The following ISM1 variants were observed in gnomAD, a reference collection of about 807,000 sequenced individuals.
ISM1 encodes the protein isthmin-1.
In ISM1, 25 loss-of-function variants were observed where a neutral mutation model predicts 46.3. The ratio of observed to expected loss-of-function variants is 0.54; its 90% CI spans 0.39 to 0.75. The LOEUF is 0.75. Ranked by LOEUF, ISM1 falls within the 30% of genes least tolerant of loss-of-function variation. The pLI is 0.00. For missense variants in ISM1, 536 were observed against 625.4 expected (o/e 0.86, Z 1.52); for synonymous variants, 255 against 256.7 (o/e 0.99, Z 0.06).
intron 5 of ISM1, among the ~76,000 whole-genome samples, chr20:13,296,391 G>A (rs1274428978): frequency 7.9e-5 from 12 of 152,162 alleles, no homozygotes; most frequent in Admixed American, 2.6e-4. Context: ...AAACAAATCC[G>A]GACTCAGTAA....
At chr20:13,272,101 A>G (rs912552973) in intron 2 of ISM1, among the ~76,000 whole-genome samples, 2 of 151,898 alleles carry the variant, frequency 1.3e-5, no homozygotes, top group Non-Finnish European at 2.9e-5. Flanking sequence ...CTTTGCTTCC[A>G]ATTCTTTCTA....
At chr20:13,229,728 T>C (rs949063685) in intron 1 of ISM1, among the ~76,000 whole-genome samples, 1 of 152,178 alleles carries the variant, frequency 6.6e-6, no homozygotes, top group Non-Finnish European at 1.5e-5. Flanking sequence ...ATTGTGGTAA[T>C]TCTTCTAGGG....
rs952788913 is a variant in ISM1 at position 13,299,646 on chromosome 20, C to T, written c.*187C>T. 23 of 570,780 alleles carry T rather than the reference C, an allele frequency of 4.0e-5. No individual in the cohort carries two copies. The East Asian group carries it at 6.6e-4, about 16-fold the overall frequency. The allele number at this position is 570,780 out of a possible 1,614,324, so 35.4% of individuals were successfully genotyped here. A position where few individuals can be genotyped will look rare whatever the true frequency, so the allele number is the denominator to read the frequency against. The stretch of plus-strand genomic sequence containing the variant: ...CCCAGGGGACTGCCTTGTGAAGCCG[C>T]CCTCGCCATCTGCAGAGCTCCTTGA... On this transcript the variant is annotated 3_prime_UTR_variant, in exon 6 of 6. Transcript: ENST00000262487. This position sits in a 1 kb window ranked among gnomAD's most constrained non-coding sequence, Gnocchi z 5.8.
intron 1 of ISM1, among the ~76,000 whole-genome samples, chr20:13,261,156 G>A (rs139330755): frequency 3.0e-4 from 46 of 152,294 alleles, no homozygotes; most frequent in Middle Eastern, 3.4e-3. Flanking sequence ...GCTCATGCCC[G>A]TAATCCCAGC....
chr20:13,311,206 TATAGATAGATGATAGATAGATAGATAG>T, the ISM1 span, among the ~76,000 whole-genome samples: 1 of 103,770 alleles, frequency 9.6e-6, no homozygotes, highest in African/African-American at 3.8e-5. Flanking sequence ...AAAAAATAGA[TATAGATAGATGATAGATAGATAGATAG>T]ATAGATAGAT....
intron 1 of ISM1, among the ~76,000 whole-genome samples, chr20:13,254,058 TAA>T (rs34371292): frequency 0.16 from 19,139 of 116,114 alleles, 1,404 homozygotes; most frequent in East Asian, 0.21. Flanking sequence ...TCATCTCTAC[TAA>T]AAAAAAAAAA....
At chr20:13,245,197 A>G (rs1244514004) in intron 1 of ISM1, 1 of 152,180 alleles carries the variant, frequency 6.6e-6, no homozygotes, top group Non-Finnish European at 1.5e-5. Context: ...ACACACGTTT[A>G]TTATCTCAGA....
At chr20:13,244,248 A>C (rs1260386853) in intron 1 of ISM1, 1 of 152,132 alleles carries the variant, frequency 6.6e-6, no homozygotes, top group Non-Finnish European at 1.5e-5. Context: ...AGAGCAGGAG[A>C]CTTGATTCAA....
chr20:13,290,636 C>T lies in ISM1; in HGVS notation c.788-1738C>T, dbSNP rs558801915. Among the ~76,000 whole-genome samples the T allele has an allele frequency of 1.1e-4, 17 of 151,384 alleles. No individual in the cohort carries two copies. In the South Asian group the frequency reaches 2.5e-3, roughly 22 times the overall value. On this transcript the variant is annotated intron_variant, in intron 4 of 5. Coordinates refer to ENST00000262487, the MANE Select transcript of ISM1 (RefSeq NM_080826.2). Reference sequence around the variant, plus strand: ...TCGGGCCACTGCACTCCAGCCCGGGCGACAGAGCAAGACTCCGTCTCAAAA... The same window carrying T: ...TCGGGCCACTGCACTCCAGCCCGGGTGACAGAGCAAGACTCCGTCTCAAAA...
At chr20:13,223,073 G>T (rs186558969) in intron 1 of ISM1, among the ~76,000 whole-genome samples, 1 of 152,070 alleles carries the variant, frequency 6.6e-6, no homozygotes, top group African/African-American at 2.4e-5. Flanking sequence ...TGAGGCAGGA[G>T]AATTGCTTGA....
chr20:13,286,628 G>T (rs556955336), intron 3 of ISM1, among the ~76,000 whole-genome samples: 2 of 152,136 alleles, frequency 1.3e-5, no homozygotes, highest in African/African-American at 4.8e-5. Context: ...TCAGAGTTAG[G>T]GAGGAGGACA....
intron 5 of ISM1, among the ~76,000 whole-genome samples, chr20:13,294,701 T>C (rs1445813039): frequency 6.6e-6 from 1 of 152,168 alleles, no homozygotes; most frequent in African/African-American, 2.4e-5. Flanking sequence ...ACTTTCATTC[T>C]CTCAATGACT....
intron 3 of ISM1, among the ~76,000 whole-genome samples, chr20:13,280,504 A>C (rs2040228156): frequency 6.6e-6 from 1 of 152,052 alleles, no homozygotes; most frequent in Non-Finnish European, 1.5e-5. Flanking sequence ...TAAAATAATA[A>C]AAGTTCATTT....
intron 1 of ISM1, among the ~76,000 whole-genome samples, chr20:13,238,407 C>G (rs1339024288): frequency 6.6e-6 from 1 of 152,314 alleles, no homozygotes; most frequent in East Asian, 1.9e-4. Context: ...GCCCATTACT[C>G]ATTAACTTAT....
At chr20:13,279,591 C>G in intron 2 of ISM1, 43 bp from the exon 3 acceptor site, 1 of 1,575,808 alleles carries the variant, frequency 6.3e-7, no homozygotes, top group Non-Finnish European at 8.7e-7. Context: ...AGCTTGGAGG[C>G]TGTTGACTCC....
At chr20:13,268,155 C>CTTCTCTTCT (rs1456221859) in intron 1 of ISM1, among the ~76,000 whole-genome samples, 83 of 69,080 alleles carry the variant, frequency 1.2e-3, no homozygotes, top group African/African-American at 4.3e-3. Context: ...TCTTCTCTTC[C>CTTCTCTTCT]CTTCCCTTCT....
At chr20:13,236,160 T>G (rs1047119661) in intron 1 of ISM1, among the ~76,000 whole-genome samples, 1 of 152,130 alleles carries the variant, frequency 6.6e-6, no homozygotes, top group African/African-American at 2.4e-5. Flanking sequence ...CTTAACCTTG[T>G]GATCCACCCA....
chr20:13,298,081 TTTTA>T (rs1162298087), intron 5 of ISM1, among the ~76,000 whole-genome samples: 1 of 152,086 alleles, frequency 6.6e-6, no homozygotes, highest in Non-Finnish European at 1.5e-5. Flanking sequence ...TTCTTTATAT[TTTTA>T]TTTTTTATTT....
At chr20:13,283,218 A>G (rs1407577618) in intron 3 of ISM1, among the ~76,000 whole-genome samples, 1 of 152,136 alleles carries the variant, frequency 6.6e-6, no homozygotes, top group African/African-American at 2.4e-5. Context: ...GTCAACAGGA[A>G]ACTTCAAGCA....
Sources: allele counts gnomAD v4.1 joint callset (sites outside exome capture counted in the v4.1 genomes callset), GRCh38; gene constraint gnomAD v4.1.1; non-coding constraint Gnocchi (gnomAD v3.1); transcripts MANE v1.5; gene names NCBI Gene and HGNC (gene_info 2026-07-23, HGNC 2026-07-21).